Variants in SLC39A11 observed in about 807,000 individuals in gnomAD.
SLC39A11 encodes the protein zinc transporter ZIP11.
SLC39A11 carries 33 observed loss-of-function variants against 36.1 expected under a neutral mutation model. The ratio of observed to expected loss-of-function variants is 0.91; its 90% CI spans 0.69 to 1.22. The LOEUF (loss-of-function observed/expected upper bound fraction) is 1.22, where lower values mean the gene tolerates loss of function less well. Among genes scored for constraint, SLC39A11 ranks in the 50% most tolerant of loss-of-function variants. The probability of loss-of-function intolerance (pLI) is 0.00; values close to 1 mark genes in which losing one functional copy is unlikely to be tolerated. For synonymous variants in SLC39A11, 166 were observed against 170.3 expected (o/e 0.97, Z 0.20); for missense variants, 432 against 430.3 (o/e 1.00, Z -0.03).
chr17:72,925,122 C>A (rs898519107), intron 5 of SLC39A11, among the ~76,000 whole-genome samples: 4 of 151,912 alleles, frequency 2.6e-5, no homozygotes, highest in African/African-American at 9.7e-5. Flanking sequence ...TTCAGGATGG[C>A]CATGTGGATG....
chr17:73,079,792 C>A (rs1368806084), intron 3 of SLC39A11, among the ~76,000 whole-genome samples: 2 of 152,130 alleles, frequency 1.3e-5, no homozygotes, highest in Non-Finnish European at 1.5e-5. Flanking sequence ...ATAAATTCAG[C>A]AAAGTTTCAG....
chr17:72,767,149 A>C (rs2075785689), intron 6 of SLC39A11, among the ~76,000 whole-genome samples: 3 of 152,188 alleles, frequency 2.0e-5, no homozygotes, highest in Non-Finnish European at 4.4e-5. Flanking sequence ...TAAACCTTTG[A>C]CTGTTGAGCT....
chr17:72,685,765 G>A (rs1361344590), intron 7 of SLC39A11, among the ~76,000 whole-genome samples: 3 of 152,286 alleles, frequency 2.0e-5, no homozygotes, highest in Admixed American at 6.5e-5. Context: ...TGGGCTGTGC[G>A]TGGTGGTTCA....
At chr17:72,905,758 C>CT (rs879277527) in intron 5 of SLC39A11, among the ~76,000 whole-genome samples, 4,403 of 144,838 alleles carry the variant, frequency 0.03, 207 homozygotes, top group African/African-American at 0.1. Context: ...GAACTCAACT[C>CT]TTTTTTTTTT....
intron 3 of SLC39A11, among the ~76,000 whole-genome samples, chr17:73,058,009 CTTTTTTTTT>C (rs11322974): frequency 8.4e-6 from 1 of 118,510 alleles, no homozygotes; most frequent in Non-Finnish European, 1.8e-5. Flanking sequence ...GTTTTAGACT[CTTTTTTTTT>C]TTTTTTTTTG....
At chr17:72,831,838 G>A (rs899738229) in intron 6 of SLC39A11, among the ~76,000 whole-genome samples, 4 of 152,170 alleles carry the variant, frequency 2.6e-5, no homozygotes, top group African/African-American at 9.7e-5. Context: ...CCATCTCTGT[G>A]TTGCTGAAGC....
intron 6 of SLC39A11, among the ~76,000 whole-genome samples, chr17:72,811,727 GT>G: frequency 6.6e-6 from 1 of 152,202 alleles, no homozygotes. Context: ...CTTGGGAAAA[GT>G]TTGTTGGTTT....
chr17:72,978,552 A>C (rs969883336), intron 4 of SLC39A11, among the ~76,000 whole-genome samples: 2 of 151,976 alleles, frequency 1.3e-5, no homozygotes, highest in African/African-American at 4.8e-5. Context: ...AGCTTCGGGA[A>C]CTCTGTTTCA....
chr17:72,785,890 G>C (rs73354721), intron 6 of SLC39A11, among the ~76,000 whole-genome samples: 2,186 of 152,232 alleles, frequency 0.014, 50 homozygotes, highest in African/African-American at 0.049. Context: ...AAATACCTCA[G>C]ACCAGGAAAA....
chr17:72,730,099 G>A (rs1029131091), intron 7 of SLC39A11, among the ~76,000 whole-genome samples: 6 of 152,048 alleles, frequency 3.9e-5, no homozygotes, highest in African/African-American at 1.5e-4. Context: ...TCTAATGACT[G>A]GGCTACAGTT....
chr17:72,760,934 TC>T (rs2075552716), intron 6 of SLC39A11, among the ~76,000 whole-genome samples: 1 of 152,112 alleles, frequency 6.6e-6, no homozygotes, highest in Admixed American at 6.5e-5. Context: ...TCTGCTAGAA[TC>T]CCCTTTGTGG....
intron 5 of SLC39A11, among the ~76,000 whole-genome samples, chr17:72,857,764 G>C (rs538312938): frequency 6.6e-5 from 10 of 152,184 alleles, no homozygotes; most frequent in African/African-American, 1.9e-4. Flanking sequence ...TCATATGCTT[G>C]TTGGCCACAT....
chr17:72,829,801 A>C lies in SLC39A11; in HGVS notation c.601+19833T>G, dbSNP rs2078197031. 2.0e-5 allele frequency among the ~76,000 whole-genome samples: 3 copies of C among 151,990 alleles called. No homozygotes were observed. In the South Asian group the frequency reaches 6.3e-4, roughly 32 times the overall value. Reference sequence around the variant, plus strand: ...TAATGTCCCCTCCTGTCTGCTCCTGATGCAGTTTTCTCCACGTCACTAGTG... The same window carrying C: ...TAATGTCCCCTCCTGTCTGCTCCTGCTGCAGTTTTCTCCACGTCACTAGTG... On this transcript the variant is annotated intron_variant, in intron 6 of 9. Coordinates refer to ENST00000255559, the MANE Select transcript of SLC39A11 (RefSeq NM_139177.4).
chr17:73,010,000 A>G (rs770006285), intron 4 of SLC39A11, among the ~76,000 whole-genome samples: 4 of 151,606 alleles, frequency 2.6e-5, no homozygotes, highest in Non-Finnish European at 5.9e-5. Context: ...TAGGTTCTGG[A>G]GCCCTCTCCA....
intron 6 of SLC39A11, among the ~76,000 whole-genome samples, chr17:72,849,214 C>G (rs541029290): frequency 2.0e-5 from 3 of 151,972 alleles, no homozygotes; most frequent in African/African-American, 7.3e-5. Flanking sequence ...GGGGCAGAGG[C>G]GGAAGAAAAT....
At chr17:72,731,186 T>C (rs1289849368) in intron 7 of SLC39A11, among the ~76,000 whole-genome samples, 1 of 152,234 alleles carries the variant, frequency 6.6e-6, no homozygotes, top group Non-Finnish European at 1.5e-5. Context: ...GCTTCTACTC[T>C]AGAATGGCAG....
intron 3 of SLC39A11, chr17:73,073,864 A>C (rs1417556934): frequency 1.3e-5 from 2 of 152,152 alleles, no homozygotes; most frequent in African/African-American, 4.8e-5. Context: ...GCTCAGAGTG[A>C]CAGCAATGAT....
At chr17:72,799,490 G>A (rs994069050) in intron 6 of SLC39A11, among the ~76,000 whole-genome samples, 4 of 152,140 alleles carry the variant, frequency 2.6e-5, no homozygotes, top group African/African-American at 7.2e-5. Flanking sequence ...ATAAACAGAC[G>A]TGCAAGTAGG....
rs57617801 is a variant in SLC39A11 at position 73,002,239 on chromosome 17, C to A, written c.306+29317G>T. ...AAAATATGAAAAAAAATGCTTCTTA[C>A]AATCAAGGGAACATGGCAGCTCATT... is the stretch of plus-strand genomic sequence containing the variant. On this transcript the variant is annotated intron_variant, in intron 4 of 9. Transcript: ENST00000255559. Among the ~76,000 whole-genome samples, 1,203 of 152,230 alleles carry A rather than the reference C, an allele frequency of 7.9e-3. 18 individuals carry two copies. The highest frequency in any genetic ancestry group is 0.015 in the South Asian group (73 of 4,830).
Sources: gnomAD v4.1 joint callset for allele counts (sites outside exome capture counted in the v4.1 genomes callset) on GRCh38, gnomAD v4.1.1 for gene constraint, MANE v1.5 for transcripts, NCBI Gene and HGNC (gene_info 2026-07-23, HGNC 2026-07-21) for gene names.